The following MAML3 variants were observed in gnomAD, a reference collection of about 807,000 sequenced individuals.
The protein encoded by MAML3 is mastermind like transcriptional coactivator 3.
MAML3 carries 27 observed loss-of-function variants against 101.9 expected under a neutral mutation model. The ratio of observed to expected loss-of-function variants is 0.27; its 90% CI spans 0.20 to 0.37. The LOEUF (loss-of-function observed/expected upper bound fraction) is 0.37. Ranked by LOEUF, MAML3 falls within the 10% of genes least tolerant of loss-of-function variation. The pLI is 1.00. For missense variants in MAML3, 1,316 were observed against 1,444.9 expected, an observed-to-expected ratio of 0.91 and a Z score of 1.45; for synonymous variants, 501 against 555.9, an observed-to-expected ratio of 0.90 and a Z score of 1.39.
intron 1 of MAML3, among the ~76,000 whole-genome samples, chr4:139,914,360 C>T (rs896913132): frequency 1.3e-5 from 2 of 152,110 alleles, no homozygotes; most frequent in African/African-American, 4.8e-5. Flanking sequence ...ACACAGTCTG[C>T]CTGGTAGAGC....
chr4:139,996,615 T>C (rs765374490), intron 1 of MAML3, among the ~76,000 whole-genome samples: 130 of 152,170 alleles, frequency 8.5e-4, no homozygotes, highest in Admixed American at 2.2e-3. Context: ...AATGATTTTT[T>C]ACTTTTTTAC....
At chr4:139,788,939 G>A (rs1172919118) in intron 2 of MAML3, among the ~76,000 whole-genome samples, 1 of 152,158 alleles carries the variant, frequency 6.6e-6, no homozygotes, top group Admixed American at 6.5e-5. Context: ...AATAAACTAT[G>A]CTGTTTAAAC....
intron 2 of MAML3, among the ~76,000 whole-genome samples, chr4:139,779,466 T>C (rs2111077670): frequency 6.6e-6 from 1 of 152,350 alleles, no homozygotes; most frequent in East Asian, 1.9e-4. Flanking sequence ...ATTTTAATTA[T>C]GTCTTTCAGG....
rs754784111 is a variant in MAML3 at position 139,890,142 on chromosome 4, G to A, written c.1294C>T (p.Pro432Ser). The A allele has an allele frequency of 1.2e-6, 2 of 1,613,740 alleles. No individual in the cohort carries two copies. The highest frequency in any genetic ancestry group is 1.1e-5 in the South Asian group (1 of 91,084). The change falls in exon 2 of 5, where the codon CCT becomes TCT. Residue 432 changes from proline (P) to serine (S), a missense_variant. Physicochemically the swap from Pro to Ser is moderately conservative, Grantham distance 74 (BLOSUM62 -1). Coordinates refer to ENST00000509479, the MANE Select transcript of MAML3 (RefSeq NM_018717.5). The surrounding 1 kb of genome is among the most constrained non-coding windows in gnomAD (Gnocchi z 4.1). ...AGGAGATAACCATTTCCAGGCCGAG[G>A]TGGAGCTTGGCCTGGAGTGTGGGCT... ...NQAHTPGQAP[P>S]RPGNGYLLNP...
At chr4:139,777,178 T>C (rs970838777) in intron 2 of MAML3, among the ~76,000 whole-genome samples, 3 of 152,196 alleles carry the variant, frequency 2.0e-5, no homozygotes, top group African/African-American at 4.8e-5. Context: ...GAAGAACTTA[T>C]GGAAAGGCAG....
intron 1 of MAML3, among the ~76,000 whole-genome samples, chr4:140,152,433 G>C (rs1310525590): frequency 6.6e-6 from 1 of 152,174 alleles, no homozygotes; most frequent in African/African-American, 2.4e-5. Context: ...GGTGGGCGTA[G>C]GGGGACGGGT....
chr4:140,134,367 T>C (rs1223817625), intron 1 of MAML3: 1 of 456,706 alleles, frequency 2.2e-6, no homozygotes, highest in South Asian at 1.5e-5. Flanking sequence ...ACCCCAATCA[T>C]TTCTCCAGAT....
At chr4:139,851,491 T>G (rs1340915142) in intron 2 of MAML3, among the ~76,000 whole-genome samples, 2 of 152,230 alleles carry the variant, frequency 1.3e-5, no homozygotes, top group Non-Finnish European at 2.9e-5. Flanking sequence ...CCAAATTGTC[T>G]TAGAATGTAG....
intron 2 of MAML3, among the ~76,000 whole-genome samples, chr4:139,755,593 G>A (rs898250063): frequency 6.6e-6 from 1 of 152,160 alleles, no homozygotes; most frequent in Non-Finnish European, 1.5e-5. Flanking sequence ...GGGCGACAGA[G>A]CAAGATTCAG....
intron 1 of MAML3, among the ~76,000 whole-genome samples, chr4:140,031,838 C>T (rs797008060): frequency 7.9e-5 from 12 of 152,274 alleles, no homozygotes; most frequent in African/African-American, 2.6e-4. Flanking sequence ...CCTTCTCCCC[C>T]AGCTGAGAGT....
Position 140,153,033 on chromosome 4 carries a change from G to T in MAML3, c.295C>A (p.Gln99Lys), listed in dbSNP as rs1267283772. ...VNCENRYQQAQVEQLELERRD... is the reference protein window; with the variant it reads ...VNCENRYQQAKVEQLELERRD... The stretch of plus-strand genomic sequence containing the variant: ...CGCTCCAGCTCCAGCTGCTCCACCT[G>T]AGCCTGCTGGTACCTGTTCTCGCAG... Residue 99 changes from glutamine (Q) to lysine (K), a missense_variant, in exon 1 of 5, where the codon CAG becomes AAG. Transcript: ENST00000509479. 2 of 1,593,370 alleles carry T rather than the reference G, an allele frequency of 1.3e-6. No homozygotes were observed. The highest frequency in any genetic ancestry group is 1.7e-6 in the Non-Finnish European group (2 of 1,169,842).
At chr4:139,905,716 C>A (rs945663093) in intron 1 of MAML3, among the ~76,000 whole-genome samples, 1 of 152,108 alleles carries the variant, frequency 6.6e-6, no homozygotes, top group African/African-American at 2.4e-5. Context: ...GGCTTACAGG[C>A]AGCCAGTTTC....
chr4:139,753,068 A>T (rs569531270), intron 2 of MAML3, among the ~76,000 whole-genome samples: 11 of 152,314 alleles, frequency 7.2e-5, no homozygotes, highest in Admixed American at 7.2e-4. Context: ...GTTTCAGGAG[A>T]GGGCTCAGCC....
At chr4:139,776,984 C>A (rs1382262124) in intron 2 of MAML3, among the ~76,000 whole-genome samples, 1 of 152,066 alleles carries the variant, frequency 6.6e-6, no homozygotes, top group East Asian at 1.9e-4. Context: ...ATTGTTTATC[C>A]TGGAGGAAAA....
chr4:140,090,381 C>G (rs960836751), intron 1 of MAML3, among the ~76,000 whole-genome samples: 19 of 152,300 alleles, frequency 1.2e-4, no homozygotes, highest in African/African-American at 4.3e-4. Flanking sequence ...AGATATGAGG[C>G]ACACAACAGG....
intron 2 of MAML3, among the ~76,000 whole-genome samples, chr4:139,761,386 G>A (rs6536444): frequency 2.6e-5 from 4 of 152,080 alleles, no homozygotes; most frequent in African/African-American, 4.8e-5. Context: ...AGAGAGTCTG[G>A]AGGGGGCGTT....
intron 1 of MAML3, among the ~76,000 whole-genome samples, chr4:140,136,382 C>A (rs1447123591): frequency 2.0e-5 from 3 of 152,122 alleles, no homozygotes; most frequent in African/African-American, 7.2e-5. Context: ...CCTCCCCCAC[C>A]GCATATTATC....
intron 1 of MAML3, among the ~76,000 whole-genome samples, chr4:139,936,122 C>G (rs1348572074): frequency 6.6e-6 from 1 of 152,114 alleles, no homozygotes; most frequent in Non-Finnish European, 1.5e-5. Flanking sequence ...CAGTATCTGT[C>G]TTTCTCTGCT....
chr4:140,023,638 A>G (rs1032938964), intron 1 of MAML3, among the ~76,000 whole-genome samples: 10 of 152,232 alleles, frequency 6.6e-5, no homozygotes, highest in African/African-American at 1.9e-4. Context: ...GGCTTTTAAA[A>G]AAGTTTCTTG....
Sources: allele counts gnomAD v4.1 joint callset (sites outside exome capture counted in the v4.1 genomes callset), GRCh38; gene constraint gnomAD v4.1.1; non-coding constraint Gnocchi (gnomAD v3.1); transcripts MANE v1.5; gene names NCBI Gene and HGNC (gene_info 2026-07-23, HGNC 2026-07-21).